Variants in GKN2 observed in about 807,000 individuals in gnomAD.
The protein encoded by GKN2 is gastrokine 2.
In GKN2, 17 loss-of-function variants were observed where a neutral mutation model predicts 22.7. The observed-to-expected ratio is 0.75, with a 90% CI of 0.51 to 1.13. The LOEUF (loss-of-function observed/expected upper bound fraction) is 1.13, where lower values mean the gene tolerates loss of function less well. Ranked by LOEUF, GKN2 falls within the 50% of genes most tolerant of loss-of-function variation. The probability of loss-of-function intolerance (pLI) is 0.00; values close to 1 mark genes in which losing one functional copy is unlikely to be tolerated. For synonymous variants in GKN2, 82 were observed against 79.6 expected, an observed-to-expected ratio of 1.03 and a Z score of -0.16; for missense variants, 248 against 221.4, an observed-to-expected ratio of 1.12 and a Z score of -0.76.
intron 3 of GKN2, among the ~76,000 whole-genome samples, chr2:68,947,583 A>G (rs1459577615): frequency 6.6e-6 from 1 of 151,896 alleles, no homozygotes; most frequent in Non-Finnish European, 1.5e-5. Flanking sequence ...TTTTATTATT[A>G]TTATTACCAT....
chr2:68,946,287 G>T lies in GKN2; in HGVS notation c.472+17C>A. The T allele has an allele frequency of 6.3e-7, 1 of 1,588,234 alleles. No individual in the cohort carries two copies. Among genetic ancestry groups the T allele is most frequent in the South Asian group, 1.2e-5 (1 of 85,688 alleles). ...TTCAGAAAATATTTGGTGAGTGAAT[G>T]ACTTATTGGTACTCACGTGTGTTTT... On this transcript the variant is annotated intron_variant, in intron 5 of 5. Transcript: ENST00000328895.
chr2:68,948,731 A>G (rs1669810459), intron 3 of GKN2, among the ~76,000 whole-genome samples: 1 of 152,228 alleles, frequency 6.6e-6, no homozygotes, highest in African/African-American at 2.4e-5. Context: ...GTTCCAAATA[A>G]TGATATACCC....
At chr2:68,952,770 A>T (rs2103896526) in intron 1 of GKN2, 80 bp downstream of exon 1, 2 of 1,488,174 alleles carry the variant, frequency 1.3e-6, no homozygotes, top group East Asian at 4.5e-5. Flanking sequence ...AAGACTCCCA[A>T]AATCCATGGC....
chr2:68,950,861 C>A, intron 1 of GKN2, 106 bp from the exon 2 acceptor site: 2 of 1,111,186 alleles, frequency 1.8e-6, no homozygotes, highest in Non-Finnish European at 2.7e-6. Context: ...AAAATGTACA[C>A]CTAGAGACAC....
chr2:68,945,463 A>T lies in GKN2; in HGVS notation c.473-13T>A, dbSNP rs1669751563. On this transcript the variant is annotated splice_polypyrimidine_tract_variant and intron_variant, in intron 5 of 5. Transcript: ENST00000328895. ...GCACCGACATTATCTGGAAAAGGGA[A>T]AATTTTTCAGAGAAAGAGCATTAAA... 6.3e-7 allele frequency: 1 copy of T among 1,585,032 alleles called. No homozygotes were observed. Among genetic ancestry groups the T allele is most frequent in the Non-Finnish European group, 8.6e-7 (1 of 1,158,516 alleles).
At chr2:68,950,594 C>A in intron 2 of GKN2, 108 bp downstream of exon 2, 1 of 933,952 alleles carries the variant, frequency 1.1e-6, no homozygotes. Context: ...TCTGAGATTC[C>A]ATCCCAAATA....
At chr2:68,949,766 T>C (rs972924278) in intron 3 of GKN2, among the ~76,000 whole-genome samples, 5 of 152,192 alleles carry the variant, frequency 3.3e-5, no homozygotes, top group Admixed American at 2.6e-4. Flanking sequence ...GCCCTATTCA[T>C]TCATTTGTTC....
intron 2 of GKN2, 98 bp from the exon 3 acceptor site, chr2:68,950,361 G>C (rs964077628): frequency 9.6e-6 from 12 of 1,255,658 alleles, no homozygotes; most frequent in Non-Finnish European, 1.3e-5. Context: ...CTATGAACAA[G>C]GGATTAAAAA....
intron 1 of GKN2, 60 bp downstream of exon 1, chr2:68,952,790 A>G (rs1669877275): frequency 6.3e-7 from 1 of 1,577,164 alleles, no homozygotes; most frequent in African/African-American, 1.4e-5. Flanking sequence ...CATATTAGAT[A>G]TGAGCATTGT....
intron 5 of GKN2, 48 bp from the exon 6 acceptor site, chr2:68,945,498 A>T: frequency 7.6e-7 from 1 of 1,319,672 alleles, no homozygotes; most frequent in South Asian, 1.2e-5. Flanking sequence ...AAAATATATT[A>T]TTGGAATTAT....
At chr2:68,945,528 C>T (rs527576905) in intron 5 of GKN2, 78 bp from the exon 6 acceptor site, 1 of 1,123,554 alleles carries the variant, frequency 8.9e-7, no homozygotes, top group East Asian at 2.6e-5. Context: ...AATACATTAG[C>T]TTAAATAAAA....
chr2:68,947,615 G>A (rs1669789012), intron 3 of GKN2, among the ~76,000 whole-genome samples: 1 of 151,890 alleles, frequency 6.6e-6, no homozygotes, highest in Non-Finnish European at 1.5e-5. Flanking sequence ...TTTTGAGACA[G>A]ACTCTCACTC....
rs527664756 is a variant in GKN2, at chr2:68,949,690, G to C, written c.204+436C>G. Reference sequence around the variant, plus strand: ...CCGCCTCAGACTCCCAAAGTGCTGGGATTACAGGCATGAGCCACTGTGCCT... The same window carrying C: ...CCGCCTCAGACTCCCAAAGTGCTGGCATTACAGGCATGAGCCACTGTGCCT... On this transcript the variant is annotated intron_variant, in intron 3 of 5. Coordinates refer to ENST00000328895, the MANE Select transcript of GKN2 (RefSeq NM_182536.3). Among the ~76,000 whole-genome samples, 387 of 152,300 alleles carry C rather than the reference G, an allele frequency of 2.5e-3. 2 individuals are homozygous for C. Among genetic ancestry groups the C allele is most frequent in the Non-Finnish European group, 3.1e-3 (210 of 68,026 alleles).
chr2:68,952,718 A>T, intron 1 of GKN2, 132 bp downstream of exon 1: 1 of 736,736 alleles, frequency 1.4e-6, no homozygotes, highest in Non-Finnish European at 2.1e-6. Context: ...AGATGTCATT[A>T]ATTCAATCAC....
Position 68,950,131 on chromosome 2 carries a change from T to G in GKN2, c.199A>C (p.Lys67Gln). 1 of 1,612,654 alleles carries G rather than the reference T, an allele frequency of 6.2e-7. No individual in the cohort carries two copies. The change falls in exon 3 of 6, where the codon AAA (lysine) becomes CAA (glutamine). Residue 67 changes from lysine to glutamine, a missense_variant. By Grantham distance (53) the Lys-to-Gln change is moderately conservative. Transcript: ENST00000328895. ...AAAATTCATTTGCTGCTTACATGTT[T>G]ATAGTCAAAAATTGTGGTAGAAGAG... Reference protein sequence around the residue: ...SCSSTTIFDYKHGYIASRVLS... With the variant: ...SCSSTTIFDYQHGYIASRVLS...
rs1669784589 is a variant in GKN2 at position 68,947,237 on chromosome 2, C to A, written c.225G>T (p.Val75=). Residue 75 remains valine (V), a synonymous_variant, in exon 4 of 6, where the codon GTG becomes GTT. Coordinates refer to ENST00000328895, the MANE Select transcript of GKN2 (RefSeq NM_182536.3). ...GGATAAAGCAGGCTCTTCGGGAGAG[C>A]ACCCTGGATGCAATGTAGCCCTGAG... ...DYKHGYIASR[V]LSRRACFILK... The A allele has an allele frequency of 6.2e-7, 1 of 1,612,864 alleles. No homozygotes were observed. Among genetic ancestry groups the A allele is most frequent in the Admixed American group, 1.7e-5 (1 of 60,002 alleles).
At chr2:68,946,611 CT>C (rs1317651896) in intron 4 of GKN2, 151 bp from the exon 5 acceptor site, 1 of 618,934 alleles carries the variant, frequency 1.6e-6, no homozygotes, top group Non-Finnish European at 2.6e-6. Flanking sequence ...AACACTCTAT[CT>C]GTGAAGTAGC....
chr2:68,946,854 A>C (rs1431174354), intron 4 of GKN2, among the ~76,000 whole-genome samples: 1 of 152,136 alleles, frequency 6.6e-6, no homozygotes, highest in Admixed American at 6.5e-5. Context: ...ACCATTTCTC[A>C]TAGCCCTGCT....
At chr2:68,951,800 G>A (rs1312376560) in intron 1 of GKN2, among the ~76,000 whole-genome samples, 1 of 152,172 alleles carries the variant, frequency 6.6e-6, no homozygotes, top group African/African-American at 2.4e-5. Context: ...ACAAGTAGTC[G>A]AAGGACTAAA....
Sources: gnomAD v4.1 joint callset for allele counts (sites outside exome capture counted in the v4.1 genomes callset) on GRCh38, gnomAD v4.1.1 for gene constraint, MANE v1.5 for transcripts, NCBI Gene and HGNC (gene_info 2026-07-23, HGNC 2026-07-21) for gene names.